Variants in RIMS3 observed in about 807,000 individuals in gnomAD.
RIMS3 encodes the protein regulating synaptic membrane exocytosis protein 3.
Under a neutral mutation model 29.2 loss-of-function variants are expected in RIMS3, and 15 were observed. The observed-to-expected ratio is 0.51, with a 90% CI of 0.34 to 0.79. RIMS3 has a LOEUF of 0.79. Among genes scored for constraint, RIMS3 ranks in the 30% least tolerant of loss-of-function variants. The pLI is 0.01. For missense variants in RIMS3, 342 were observed against 421.4 expected (o/e 0.81, Z 1.65); for synonymous variants, 161 against 170.1 (o/e 0.95, Z 0.41).
At chr1:40,687,796 G>C in the RIMS3 span, among the ~76,000 whole-genome samples, 1 of 151,766 alleles carries the variant, frequency 6.6e-6, no homozygotes, top group East Asian at 1.9e-4. Flanking sequence ...TCTTCTATTT[G>C]CTTTAGTGGC....
the RIMS3 span, chr1:40,673,402 C>G: frequency 6.6e-6 from 1 of 152,248 alleles, no homozygotes; most frequent in Non-Finnish European, 1.5e-5. Flanking sequence ...TCCTTCTTCT[C>G]TGAGATCCTT....
intron 1 of RIMS3, among the ~76,000 whole-genome samples, chr1:40,659,555 G>A (rs1642322109): frequency 1.3e-5 from 2 of 152,188 alleles, no homozygotes; most frequent in Admixed American, 1.3e-4. Flanking sequence ...CCTACTATGT[G>A]CCGGGGTGAG....
rs544148964 is a variant in RIMS3 at position 40,621,067 on chromosome 1, C to T, written c.*5450G>A. 5 of 152,382 alleles carry T rather than the reference C, an allele frequency of 3.3e-5. No homozygotes were observed. Among genetic ancestry groups the T allele is most frequent in the African/African-American group, 9.6e-5 (4 of 41,586 alleles). 9.4% of individuals were successfully genotyped at this position (152,382 alleles called of 1,614,324 possible). ...CCTAAGGAAGCAGCTGCCCCACCTT[C>T]TGAAATGATGTCTGGTTAAAGACAT... On this transcript the variant is annotated 3_prime_UTR_variant, in exon 8 of 8. Transcript: ENST00000372684.
At chr1:40,684,454 T>C in the RIMS3 span, among the ~76,000 whole-genome samples, 1 of 152,216 alleles carries the variant, frequency 6.6e-6, no homozygotes, top group Non-Finnish European at 1.5e-5. Flanking sequence ...TTAGCTTAGT[T>C]TGGGTGATGT....
intron 5 of RIMS3, among the ~76,000 whole-genome samples, chr1:40,629,601 G>T (rs919868209): frequency 1.3e-5 from 2 of 152,060 alleles, no homozygotes; most frequent in Non-Finnish European, 2.9e-5. Flanking sequence ...TGATCTTCAG[G>T]GGCATGACTG....
At chr1:40,685,469 A>G in the RIMS3 span, among the ~76,000 whole-genome samples, 3 of 151,562 alleles carry the variant, frequency 2.0e-5, no homozygotes, top group Non-Finnish European at 2.9e-5. Context: ...CCCTGAGTGA[A>G]GGACAGAGGG....
chr1:40,633,800 T>C (rs1482887071), intron 4 of RIMS3, among the ~76,000 whole-genome samples: 1 of 152,162 alleles, frequency 6.6e-6, no homozygotes, highest in Non-Finnish European at 1.5e-5. Flanking sequence ...AAATTCCACA[T>C]GGGTTATATC....
chr1:40,629,057 T>A, intron 6 of RIMS3, 108 bp from the exon 7 acceptor site: 3 of 1,428,448 alleles, frequency 2.1e-6, no homozygotes, highest in Non-Finnish European at 2.9e-6. Context: ...ATGTGTGGAA[T>A]GAGCCAGCCA....
At chr1:40,628,033 T>C (rs970173078) in intron 7 of RIMS3, among the ~76,000 whole-genome samples, 2 of 152,218 alleles carry the variant, frequency 1.3e-5, no homozygotes, top group African/African-American at 4.8e-5. Flanking sequence ...CTCACCTCCA[T>C]GGCCTCAGGC....
intron 7 of RIMS3, among the ~76,000 whole-genome samples, chr1:40,627,389 C>T (rs546015830): frequency 1.0e-3 from 152 of 152,140 alleles, no homozygotes; most frequent in African/African-American, 3.0e-3. Context: ...CCACCACACC[C>T]GGCTAATTTT....
chr1:40,635,811 T>G lies in RIMS3; in HGVS notation c.359+105A>C. On this transcript the variant is annotated intron_variant, in intron 4 of 7. Coordinates refer to ENST00000372684, the MANE Select transcript of RIMS3 (RefSeq NM_014747.3). This position sits in a 1 kb window ranked among gnomAD's most constrained non-coding sequence, Gnocchi z 4.1. Reference sequence around the variant, plus strand: ...GGCAGAGACACAGAGGACCCAGACATTTTAGCTGGAAACAAAACAGGGAGG... The same window carrying G: ...GGCAGAGACACAGAGGACCCAGACAGTTTAGCTGGAAACAAAACAGGGAGG... 6.8e-7 allele frequency: 1 copy of G among 1,471,110 alleles called. No homozygotes were observed. Among genetic ancestry groups the G allele is most frequent in the Non-Finnish European group, 9.3e-7 (1 of 1,078,916 alleles). 91.1% of individuals were successfully genotyped at this position (1,471,110 alleles called of 1,614,324 possible). A position where few individuals can be genotyped will look rare whatever the true frequency, so the allele number is the denominator to read the frequency against.
chr1:40,634,003 G>C lies in RIMS3; in HGVS notation c.360-822C>G, dbSNP rs149546587. Reference sequence around the variant, plus strand: ...CTAAATGATAGTTCCGGTTGCTGCTGTTGTTATCATCAAGGGAAAAGTGCT... The same window carrying C: ...CTAAATGATAGTTCCGGTTGCTGCTCTTGTTATCATCAAGGGAAAAGTGCT... On this transcript the variant is annotated intron_variant, in intron 4 of 7. Coordinates refer to ENST00000372684, the MANE Select transcript of RIMS3 (RefSeq NM_014747.3). 7.5e-4 allele frequency among the ~76,000 whole-genome samples: 114 copies of C among 152,292 alleles called. 1 individual carries two copies. The East Asian group carries it at 0.017, about 22-fold the overall frequency.
intron 3 of RIMS3, among the ~76,000 whole-genome samples, chr1:40,638,137 C>T (rs551962518): frequency 6.6e-6 from 1 of 152,176 alleles, no homozygotes; most frequent in African/African-American, 2.4e-5. Flanking sequence ...TACCCCTCCC[C>T]CAAATTTCAC....
chr1:40,679,760 G>C, the RIMS3 span, among the ~76,000 whole-genome samples: 1 of 152,196 alleles, frequency 6.6e-6, no homozygotes, highest in South Asian at 2.1e-4. Context: ...TGGGAAGGCG[G>C]GCACATGGAC....
chr1:40,686,423 T>C, the RIMS3 span, among the ~76,000 whole-genome samples: 1 of 151,686 alleles, frequency 6.6e-6, no homozygotes, highest in African/African-American at 2.4e-5. Flanking sequence ...GAGGCTGAGG[T>C]GGGTGGATCA....
chr1:40,665,264 C>G (rs536277258), intron 1 of RIMS3, 130 bp downstream of exon 1: 1 of 151,470 alleles, frequency 6.6e-6, no homozygotes, highest in East Asian at 2.0e-4. Context: ...ATCCCCCCAC[C>G]CCCGCCCCTG....
intron 1 of RIMS3, among the ~76,000 whole-genome samples, chr1:40,657,700 C>A (rs1642290347): frequency 6.7e-6 from 1 of 148,254 alleles, no homozygotes; most frequent in Non-Finnish European, 1.5e-5. Flanking sequence ...TGAGCCGTGA[C>A]CCAGCCATTG....
rs573938387 is a variant in RIMS3, at chr1:40,661,231, T to C, written c.-207+4163A>G. ...ATAGTACCTACCTCATAGGACTGTT[T>C]AAAGATGAGCATGTAAAGCGATGGG... On this transcript the variant is annotated intron_variant, in intron 1 of 7. Coordinates refer to ENST00000372684, the MANE Select transcript of RIMS3 (RefSeq NM_014747.3). Among the ~76,000 whole-genome samples the C allele has an allele frequency of 2.3e-4, 35 of 152,108 alleles. 1 individual carries two copies. Among genetic ancestry groups the C allele is most frequent in the Non-Finnish European group, 4.4e-4 (30 of 68,028 alleles).
chr1:40,631,164 CGAG>C (rs1557666174), intron 5 of RIMS3, among the ~76,000 whole-genome samples: 1 of 152,074 alleles, frequency 6.6e-6, no homozygotes, highest in East Asian at 1.9e-4. Flanking sequence ...GGAGTGGAGG[CGAG>C]GAGGCACCTC....
Sources: allele counts gnomAD v4.1 joint callset (sites outside exome capture counted in the v4.1 genomes callset), GRCh38; gene constraint gnomAD v4.1.1; non-coding constraint Gnocchi (gnomAD v3.1); transcripts MANE v1.5; gene names NCBI Gene and HGNC (gene_info 2026-07-23, HGNC 2026-07-21).